Variants in TMEM132B observed in about 807,000 individuals in gnomAD.
TMEM132B encodes the protein transmembrane protein 132B.
Under a neutral mutation model 90.8 loss-of-function variants are expected in TMEM132B, and 18 were observed. The observed-to-expected ratio is 0.20, with a 90% CI of 0.14 to 0.29. The LOEUF (loss-of-function observed/expected upper bound fraction) is 0.29. TMEM132B is among the 10% of genes least tolerant of loss of function. The probability of loss-of-function intolerance (pLI) is 1.00; values close to 1 mark genes in which losing one functional copy is unlikely to be tolerated. For missense variants in TMEM132B, 1,096 were observed against 1,326.8 expected (o/e 0.83, Z 2.70); for synonymous variants, 504 against 523.3 (o/e 0.96, Z 0.50).
chr12:125,350,601 G>C (rs75220528), intron 2 of TMEM132B, among the ~76,000 whole-genome samples: 1,548 of 152,336 alleles, frequency 0.01, 17 homozygotes, highest in Middle Eastern at 0.034. Flanking sequence ...CATAGAGCCA[G>C]AGAAGCGACA....
At chr12:125,265,955 G>A (rs559360152) in intron 1 of TMEM132B, among the ~76,000 whole-genome samples, 2 of 152,146 alleles carry the variant, frequency 1.3e-5, no homozygotes, top group South Asian at 2.1e-4. Flanking sequence ...CAGGCCAGGC[G>A]TGGTGGCTCA....
chr12:125,525,593 G>T (rs1213668364), intron 4 of TMEM132B, among the ~76,000 whole-genome samples: 1 of 152,232 alleles, frequency 6.6e-6, no homozygotes, highest in Non-Finnish European at 1.5e-5. Context: ...ATCCAGAACT[G>T]TGAGGAAGTA....
At chr12:125,564,075 CTT>C (rs1159850202) in intron 4 of TMEM132B, among the ~76,000 whole-genome samples, 2 of 152,284 alleles carry the variant, frequency 1.3e-5, no homozygotes, top group East Asian at 3.9e-4. Flanking sequence ...TGTTTGAAGA[CTT>C]AGGCAAAGAA....
intron 4 of TMEM132B, among the ~76,000 whole-genome samples, chr12:125,529,039 C>T (rs922825486): frequency 6.8e-6 from 1 of 147,928 alleles, no homozygotes; most frequent in Non-Finnish European, 1.5e-5. Context: ...TTCCTCCCTC[C>T]TCCTTCTTCC....
chr12:125,339,409 A>AG lies in TMEM132B; in HGVS notation c.68-10042dup, dbSNP rs781448814. 1.3e-3 allele frequency among the ~76,000 whole-genome samples: 191 copies of AG among 152,112 alleles called. 6 individuals are homozygous for AG. The highest frequency in any genetic ancestry group is 3.4e-3 in the Middle Eastern group (1 of 294). On this transcript the variant is annotated intron_variant, in intron 1 of 8. Transcript: ENST00000682704. ...AATTTCCTCATCTTATGAGGACGCC[A>AG]GTCCAATTGAACTGGGGGCTCTTGA...
At chr12:125,355,385 A>G (rs1237263588) in intron 2 of TMEM132B, among the ~76,000 whole-genome samples, 1 of 152,092 alleles carries the variant, frequency 6.6e-6, no homozygotes, top group Admixed American at 6.6e-5. Flanking sequence ...CTAGAAGCAG[A>G]CATTTTATGT....
chr12:125,295,495 G>T (rs1875644979), intron 1 of TMEM132B, among the ~76,000 whole-genome samples: 1 of 132,846 alleles, frequency 7.5e-6, no homozygotes. Flanking sequence ...TCTCCTCCAT[G>T]AAACCTGTGT....
At chr12:125,564,535 G>C (rs549658590) in intron 4 of TMEM132B, among the ~76,000 whole-genome samples, 2 of 152,298 alleles carry the variant, frequency 1.3e-5, no homozygotes, top group Admixed American at 6.5e-5. Context: ...CAGATTGTTC[G>C]TGAAAGCTTC....
At chr12:125,306,203 G>A (rs935480755) in intron 1 of TMEM132B, among the ~76,000 whole-genome samples, 5 of 152,212 alleles carry the variant, frequency 3.3e-5, no homozygotes, top group African/African-American at 1.2e-4. Context: ...ACCATGACTG[G>A]AAATCTGGAC....
At chr12:125,370,773 T>C (rs765244909) in intron 2 of TMEM132B, among the ~76,000 whole-genome samples, 6 of 152,232 alleles carry the variant, frequency 3.9e-5, no homozygotes, top group Non-Finnish European at 7.3e-5. Context: ...ATTAGCATTG[T>C]CTGACACATG....
intron 1 of TMEM132B, among the ~76,000 whole-genome samples, chr12:125,309,266 C>T (rs1306626956): frequency 6.6e-6 from 1 of 152,130 alleles, no homozygotes; most frequent in Non-Finnish European, 1.5e-5. Flanking sequence ...CAGAAGCAGC[C>T]TTGAAAAGAA....
chr12:125,568,642 C>G (rs1029653321), intron 4 of TMEM132B, among the ~76,000 whole-genome samples: 6 of 152,194 alleles, frequency 3.9e-5, no homozygotes, highest in African/African-American at 9.7e-5. Context: ...CTTTCTTCCC[C>G]CCTCTGGCTC....
chr12:125,622,640 T>G, intron 5 of TMEM132B: 2 of 985,480 alleles, frequency 2.0e-6, no homozygotes, highest in South Asian at 9.4e-5. Context: ...TGAGTTTAGG[T>G]GTCCAGCCTT....
At chr12:125,324,549 G>A (rs1002958510) in intron 1 of TMEM132B, among the ~76,000 whole-genome samples, 10 of 152,196 alleles carry the variant, frequency 6.6e-5, no homozygotes, top group South Asian at 2.1e-4. Context: ...GTTAGGAACC[G>A]GACCACACAG....
At chr12:125,427,635 AT>A (rs1593140815) in intron 3 of TMEM132B, among the ~76,000 whole-genome samples, 1 of 152,196 alleles carries the variant, frequency 6.6e-6, no homozygotes, top group African/African-American at 2.4e-5. Flanking sequence ...CAGATTCCTG[AT>A]TTCAGTTACA....
chr12:125,579,520 A>C (rs1885006654), intron 4 of TMEM132B, among the ~76,000 whole-genome samples: 1 of 151,446 alleles, frequency 6.6e-6, no homozygotes, highest in Non-Finnish European at 1.5e-5. Flanking sequence ...GTGGCACCAC[A>C]CCTGGCTAAT....
chr12:125,465,207 A>AT (rs1461320110), intron 3 of TMEM132B, among the ~76,000 whole-genome samples: 1 of 152,238 alleles, frequency 6.6e-6, no homozygotes, highest in Non-Finnish European at 1.5e-5. Context: ...ACTCTGTAAA[A>AT]TAAGTGGGTT....
intron 8 of TMEM132B, 127 bp from the exon 9 acceptor site, chr12:125,653,438 T>C: frequency 1.8e-6 from 2 of 1,108,304 alleles, no homozygotes; most frequent in Non-Finnish European, 2.5e-6. Flanking sequence ...ACAAGAACTG[T>C]TCAAGATTAT....
intron 3 of TMEM132B, among the ~76,000 whole-genome samples, chr12:125,505,182 A>C (rs1049234049): frequency 6.8e-6 from 1 of 146,576 alleles, no homozygotes; most frequent in Non-Finnish European, 1.5e-5. Context: ...AAAAAAAAAA[A>C]AAAAAAAAAA....
Sources: gnomAD v4.1 joint callset for allele counts (sites outside exome capture counted in the v4.1 genomes callset) on GRCh38, gnomAD v4.1.1 for gene constraint, MANE v1.5 for transcripts, NCBI Gene and HGNC (gene_info 2026-07-23, HGNC 2026-07-21) for gene names.